The following GPCPD1 variants were observed in gnomAD, a reference collection of about 807,000 sequenced individuals.
GPCPD1 encodes glycerophosphocholine phosphodiesterase 1.
Under a neutral mutation model 89.2 loss-of-function variants are expected in GPCPD1, and 29 were observed. The ratio of observed to expected loss-of-function variants is 0.33; its 90% CI spans 0.24 to 0.44. The LOEUF is 0.44. GPCPD1 is among the 20% of genes least tolerant of loss of function. The pLI, the probability that GPCPD1 is intolerant of heterozygous loss-of-function variation, is 1.00. For synonymous variants in GPCPD1, 258 were observed against 266.3 expected (o/e 0.97, Z 0.30); for missense variants, 594 against 808.9 (o/e 0.73, Z 3.22).
rs1218274050 is a variant in GPCPD1, at chr20:5,598,736, G to A, written c.135C>T (p.Asp45=). Residue 45 remains aspartate (D), a synonymous_variant, in exon 3 of 20, where the codon GAC becomes GAT. Transcript: ENST00000379019. The part of the protein sequence containing the change: ...QNAVALLPEN[D]TGESMLWKAT... ...ATTTCCATACTCACCTTTCACCTGTGTCATTCTCTGGAAGAAGAGCCACAG... is the reference window on the plus strand; with the variant it reads ...ATTTCCATACTCACCTTTCACCTGTATCATTCTCTGGAAGAAGAGCCACAG... 40 of 1,599,522 alleles carry A rather than the reference G, an allele frequency of 2.5e-5. No homozygotes were observed. The Admixed American group carries it at 5.2e-4, about 21-fold the overall frequency.
intron 6 of GPCPD1, among the ~76,000 whole-genome samples, chr20:5,582,794 C>T (rs749579011): frequency 2.0e-5 from 3 of 151,716 alleles, no homozygotes; most frequent in Non-Finnish European, 4.4e-5. Context: ...CAGACTGAGG[C>T]AGGAGAATTG....
intron 19 of GPCPD1, among the ~76,000 whole-genome samples, chr20:5,554,226 C>T (rs1302001125): frequency 1.1e-5 from 1 of 87,416 alleles, no homozygotes; most frequent in Admixed American, 1.0e-4. Context: ...CCTTGTGATC[C>T]GCTCACCTCG....
At chr20:5,583,130 A>G (rs1419438929) in intron 6 of GPCPD1, among the ~76,000 whole-genome samples, 1 of 150,590 alleles carries the variant, frequency 6.6e-6, no homozygotes, top group Non-Finnish European at 1.5e-5. Context: ...AGGCTGAGAC[A>G]GGAGAATCGC....
intron 9 of GPCPD1, 68 bp downstream of exon 9, chr20:5,575,748 T>C: frequency 9.5e-7 from 1 of 1,052,056 alleles, no homozygotes; most frequent in Admixed American, 2.1e-5. Context: ...CATTATCAAA[T>C]ACTTAATTTG....
intron 1 of GPCPD1, among the ~76,000 whole-genome samples, chr20:5,604,797 A>ACACACACACACACG (rs1435720546): frequency 2.6e-5 from 4 of 151,256 alleles, no homozygotes; most frequent in South Asian, 4.2e-4. Context: ...ACACACACAC[A>ACACACACACACACG]CACACACACG....
rs1979473714 is a variant in GPCPD1 at position 5,593,398 on chromosome 20, C to T, written c.160G>A (p.Ala54Thr). Reference sequence around the variant, plus strand: ...ACTCCTCTACTGAGTACAATGGTTGCTTTCCATAGCATGCTGTGAAGAAAG... The same window carrying T: ...ACTCCTCTACTGAGTACAATGGTTGTTTTCCATAGCATGCTGTGAAGAAAG... Reference protein sequence around the residue: ...NDTGESMLWKATIVLSRGVSV... With the variant: ...NDTGESMLWKTTIVLSRGVSV... The change falls in exon 4 of 20, where the codon GCA (alanine) becomes ACA (threonine). Residue 54 changes from alanine to threonine, a missense_variant. Coordinates refer to ENST00000379019, the MANE Select transcript of GPCPD1 (RefSeq NM_019593.5). 2 of 1,579,374 alleles carry T rather than the reference C, an allele frequency of 1.3e-6. No homozygotes were observed. The highest frequency in any genetic ancestry group is 1.1e-5 in the South Asian group (1 of 90,128).
Position 5,580,017 on chromosome 20 carries a change from G to T in GPCPD1, c.464C>A (p.Ser155Tyr). ...ATAAACATGGTCATACCTAAATCTAGATTTTTTTAATTTTTTCTTGGTTAT... is the reference window on the plus strand; with the variant it reads ...ATAAACATGGTCATACCTAAATCTATATTTTTTTAATTTTTTCTTGGTTAT... ...VSITKKKLKK[S>Y]RFRVKLTLEG... is the part of the protein sequence containing the mutation. The change falls in exon 7 of 20, where the codon TCT becomes TAT. Residue 155 changes from serine to tyrosine, a missense_variant. By Grantham distance (144) the Ser-to-Tyr change is moderately radical. Transcript: ENST00000379019. The T allele has an allele frequency of 1.9e-6, 3 of 1,539,078 alleles. No homozygotes were observed. The South Asian group carries it at 3.4e-5, about 18-fold the overall frequency.
At chr20:5,580,432 T>C (rs1375499004) in intron 6 of GPCPD1, among the ~76,000 whole-genome samples, 2 of 152,020 alleles carry the variant, frequency 1.3e-5, no homozygotes, top group Non-Finnish European at 2.9e-5. Context: ...TTTCTAAATA[T>C]GAAAATAGGC....
At chr20:5,579,060 C>A (rs201648762) in intron 7 of GPCPD1, among the ~76,000 whole-genome samples, 1 of 143,192 alleles carries the variant, frequency 7.0e-6, no homozygotes, top group African/African-American at 2.7e-5. Flanking sequence ...TGTCACATGC[C>A]TGTAGTCCCA....
In GPCPD1 at chr20:5,598,826, A is replaced by C; in HGVS notation, c.50-5T>G. The C allele has an allele frequency of 1.9e-6, 3 of 1,570,474 alleles. No homozygotes were observed. Among genetic ancestry groups the C allele is most frequent in the Non-Finnish European group, 2.6e-6 (3 of 1,140,788 alleles). ...CACATATCGCAAAAACTTCTCCTAA[A>C]GAAACAGAACAATCAGTCACAGAGA... On this transcript the variant is annotated splice_region_variant and splice_polypyrimidine_tract_variant and intron_variant, in intron 2 of 19. Transcript: ENST00000379019.
At chr20:5,579,632 G>C (rs561101971) in intron 7 of GPCPD1, among the ~76,000 whole-genome samples, 2 of 152,304 alleles carry the variant, frequency 1.3e-5, no homozygotes, top group East Asian at 3.9e-4. Context: ...ACAGTTGTGA[G>C]CCACTGCACC....
At chr20:5,576,762 C>G (rs1421362170) in intron 8 of GPCPD1, among the ~76,000 whole-genome samples, 1 of 152,118 alleles carries the variant, frequency 6.6e-6, no homozygotes, top group Non-Finnish European at 1.5e-5. Flanking sequence ...AAACCAAATA[C>G]TATACTCACT....
chr20:5,564,427 T>C (rs142060964), intron 15 of GPCPD1, among the ~76,000 whole-genome samples: 5 of 152,080 alleles, frequency 3.3e-5, no homozygotes, highest in African/African-American at 1.2e-4. Context: ...AATATATGGA[T>C]TTGCTACTCT....
At chr20:5,564,839 C>T (rs1986292167) in intron 15 of GPCPD1, among the ~76,000 whole-genome samples, 178 bp downstream of exon 15, 1 of 142,632 alleles carries the variant, frequency 7.0e-6, no homozygotes, top group South Asian at 2.3e-4. Flanking sequence ...GATTGTCACT[C>T]ACACACACAC....
At chr20:5,592,396 G>A (rs1431806377) in intron 4 of GPCPD1, among the ~76,000 whole-genome samples, 1 of 152,204 alleles carries the variant, frequency 6.6e-6, no homozygotes, top group African/African-American at 2.4e-5. Context: ...TTCAATTACT[G>A]TGTATTCACA....
chr20:5,585,174 T>C (rs1035001409), intron 5 of GPCPD1: 2 of 152,162 alleles, frequency 1.3e-5, no homozygotes, highest in Admixed American at 6.5e-5. Context: ...TTTTAAAACA[T>C]TCAATACCTA....
chr20:5,599,403 G>T (rs181420904), intron 2 of GPCPD1, among the ~76,000 whole-genome samples: 1 of 152,060 alleles, frequency 6.6e-6, no homozygotes, highest in Non-Finnish European at 1.5e-5. Context: ...GGAGGCAGAG[G>T]TTGCAGTGAG....
At chr20:5,561,060 A>T (rs1304871399) in intron 16 of GPCPD1, among the ~76,000 whole-genome samples, 2 of 152,266 alleles carry the variant, frequency 1.3e-5, no homozygotes, top group Non-Finnish European at 2.9e-5. Context: ...AAACAATTGC[A>T]GAAATTTTTT....
intron 8 of GPCPD1, among the ~76,000 whole-genome samples, chr20:5,576,419 CA>C (rs11286776): frequency 0.62 from 56,306 of 90,608 alleles, 15,259 homozygotes; most frequent in African/African-American, 0.79. Context: ...CACTCCATCT[CA>C]AAAAAAAAAA....
Sources: allele counts gnomAD v4.1 joint callset (sites outside exome capture counted in the v4.1 genomes callset), GRCh38; gene constraint gnomAD v4.1.1; transcripts MANE v1.5; gene names NCBI Gene and HGNC (gene_info 2026-07-23, HGNC 2026-07-21).